TAF4: variants seen among roughly 807,000 people sequenced by gnomAD.
TAF4 encodes the protein transcription initiation factor TFIID subunit 4.
Under a neutral mutation model 90.3 loss-of-function variants are expected in TAF4, and 9 were observed. The ratio of observed to expected loss-of-function variants is 0.10; its 90% CI spans 0.06 to 0.17. The LOEUF (loss-of-function observed/expected upper bound fraction) is 0.17. Among genes scored for constraint, TAF4 ranks in the 10% least tolerant of loss-of-function variants. The pLI is 1.00. For synonymous variants in TAF4, 818 were observed against 638.9 expected (o/e 1.28, Z -4.23); for missense variants, 1,351 against 1,370.7 (o/e 0.99, Z 0.23).
At chr20:62,004,183 G>A in intron 7 of TAF4, among the ~76,000 whole-genome samples, 1 of 152,186 alleles carries the variant, frequency 6.6e-6, no homozygotes, top group Non-Finnish European at 1.5e-5. Context: ...GAGGGGGCGG[G>A]TGGCAAACTG....
chr20:62,039,160 C>T (rs140378155), intron 1 of TAF4, among the ~76,000 whole-genome samples: 12 of 152,272 alleles, frequency 7.9e-5, no homozygotes, highest in Middle Eastern at 3.4e-3. Flanking sequence ...CAGCCCTCAA[C>T]GTTTTCGAAA....
At chr20:62,025,032 T>C (rs978156319) in intron 1 of TAF4, among the ~76,000 whole-genome samples, 1 of 152,118 alleles carries the variant, frequency 6.6e-6, no homozygotes. Context: ...TAGCTAAAAC[T>C]AAAAAGATCA....
intron 1 of TAF4, among the ~76,000 whole-genome samples, chr20:62,017,325 A>C (rs1459799171): frequency 1.3e-5 from 2 of 152,102 alleles, no homozygotes; most frequent in Non-Finnish European, 2.9e-5. Context: ...TTTAATTATC[A>C]GGAGCTTTGT....
At chr20:62,043,048 G>C (rs1053940759) in intron 1 of TAF4, among the ~76,000 whole-genome samples, 1 of 152,214 alleles carries the variant, frequency 6.6e-6, no homozygotes, top group Non-Finnish European at 1.5e-5. Flanking sequence ...CTCGCTGGGC[G>C]TGGTGGCACA....
At chr20:62,013,080 A>C in intron 2 of TAF4, 146 bp from the exon 3 acceptor site, 3 of 1,219,346 alleles carry the variant, frequency 2.5e-6, no homozygotes, top group Non-Finnish European at 3.3e-6. Context: ...AGCCACTGTA[A>C]TTCTAAAGTT....
chr20:62,049,990 T>C lies in TAF4; in HGVS notation c.1360+14461A>G, dbSNP rs538640827. Among the ~76,000 whole-genome samples the C allele has an allele frequency of 2.0e-5, 3 of 152,090 alleles. No homozygotes were observed. In the East Asian group the frequency reaches 5.8e-4, roughly 29 times the overall value. On this transcript the variant is annotated intron_variant, in intron 1 of 14. Coordinates refer to ENST00000252996, the MANE Select transcript of TAF4 (RefSeq NM_003185.4). ...CACAGCAGCCCCACGGAGCAGCCTG[T>C]CCCCAAGGCAGGGAGTCAGCCTCAC...
rs2145511547 is a variant in TAF4 at position 62,049,708 on chromosome 20, G to A, written c.1360+14743C>T. Among the ~76,000 whole-genome samples the A allele has an allele frequency of 1.5e-5, 2 of 133,298 alleles. 1 individual carries two copies. Among genetic ancestry groups the A allele is most frequent in the Middle Eastern group, 8.1e-3 (2 of 248 alleles). The allele number at this position is 133,298 out of a possible 152,430, so 87.4% of individuals were successfully genotyped here. ...CCCAACTCCCCAGCAGTCCACAGCT[G>A]CCACCAGGGTCACTCCAGAGGGAGG... On this transcript the variant is annotated intron_variant, in intron 1 of 14. Transcript: ENST00000252996.
intron 4 of TAF4, 109 bp downstream of exon 4, chr20:62,009,936 AG>A (rs2055768573): frequency 2.0e-5 from 30 of 1,530,564 alleles, no homozygotes; most frequent in Non-Finnish European, 2.6e-5. Context: ...TTGTGAAGCA[AG>A]CAGTGAGCGG....
chr20:61,995,146 A>G (rs2055655577), intron 14 of TAF4, among the ~76,000 whole-genome samples: 1 of 152,222 alleles, frequency 6.6e-6, no homozygotes. Flanking sequence ...CACAGAGTCC[A>G]GTCTCTTGGC....
intron 14 of TAF4, among the ~76,000 whole-genome samples, chr20:61,982,197 C>T (rs2055549758): frequency 8.0e-6 from 1 of 124,808 alleles, no homozygotes; most frequent in Non-Finnish European, 1.7e-5. Context: ...AACCCACACC[C>T]CACCCGAGAG....
chr20:62,056,412 T>C (rs1338615060), intron 1 of TAF4, among the ~76,000 whole-genome samples: 1 of 152,124 alleles, frequency 6.6e-6, no homozygotes, highest in Non-Finnish European at 1.5e-5. Flanking sequence ...ATTCTGGCAA[T>C]GGTTTTAAAA....
At chr20:62,039,748 T>C (rs898508570) in intron 1 of TAF4, among the ~76,000 whole-genome samples, 4 of 152,256 alleles carry the variant, frequency 2.6e-5, no homozygotes, top group African/African-American at 4.8e-5. Flanking sequence ...TTCTATCTGA[T>C]AAATTACTTA....
intron 1 of TAF4, among the ~76,000 whole-genome samples, chr20:62,059,353 T>C (rs1009581574): frequency 6.6e-6 from 1 of 152,250 alleles, no homozygotes; most frequent in Non-Finnish European, 1.5e-5. Context: ...TCATTTGAGA[T>C]ATGTAAAAAT....
intron 1 of TAF4, among the ~76,000 whole-genome samples, chr20:62,030,158 A>C (rs2055897119): frequency 6.6e-6 from 1 of 152,238 alleles, no homozygotes; most frequent in Admixed American, 6.5e-5. Context: ...GAGGCAGCAG[A>C]GGCCTCTGCA....
chr20:62,022,914 T>C (rs114629518), intron 1 of TAF4, among the ~76,000 whole-genome samples: 290 of 150,510 alleles, frequency 1.9e-3, no homozygotes, highest in African/African-American at 6.9e-3. Context: ...CTTTGATTCA[T>C]CCTCCCCTAA....
intron 1 of TAF4, among the ~76,000 whole-genome samples, chr20:62,024,645 G>C (rs554883021): frequency 6.6e-6 from 1 of 152,276 alleles, no homozygotes; most frequent in South Asian, 2.1e-4. Context: ...GAGGAGGACA[G>C]ATCACTTGAG....
At chr20:61,979,728 G>A (rs1600822806) in intron 14 of TAF4, among the ~76,000 whole-genome samples, 1 of 148,914 alleles carries the variant, frequency 6.7e-6, no homozygotes, top group East Asian at 2.0e-4. Context: ...CCGTGCAGGC[G>A]CGGTGGCCAC....
At chr20:62,062,018 C>T (rs78331413) in intron 1 of TAF4, among the ~76,000 whole-genome samples, 14,927 of 152,230 alleles carry the variant, frequency 0.098, 1,173 homozygotes, top group East Asian at 0.43. Flanking sequence ...GGAGGGAAGG[C>T]TGGGAAGGGC....
At chr20:62,012,535 T>C (rs1322809119) in intron 3 of TAF4, 1 of 304,012 alleles carries the variant, frequency 3.3e-6, no homozygotes, top group East Asian at 6.0e-5. Context: ...AGTAAGGACA[T>C]AGTTTTAATG....
Sources: allele counts gnomAD v4.1 joint callset (sites outside exome capture counted in the v4.1 genomes callset), GRCh38; gene constraint gnomAD v4.1.1; transcripts MANE v1.5; gene names NCBI Gene and HGNC (gene_info 2026-07-23, HGNC 2026-07-21).